PIGK: variants seen among roughly 807,000 people sequenced by gnomAD.
PIGK encodes the protein phosphatidylinositol glycan anchor biosynthesis class K, also known as GPI-anchor transamidase.
In PIGK, 42 loss-of-function variants were observed where a neutral mutation model predicts 50.6. The observed-to-expected ratio is 0.83, with a 90% CI of 0.65 to 1.07. The LOEUF (loss-of-function observed/expected upper bound fraction) is 1.07, where lower values mean the gene tolerates loss of function less well. PIGK is among the 50% of genes least tolerant of loss of function. PIGK has a pLI of 0.00. For missense variants in PIGK, 448 were observed against 488.7 expected (o/e 0.92, Z 0.78); for synonymous variants, 151 against 156.0 (o/e 0.97, Z 0.24).
chr1:77,104,297 A>T lies in PIGK; in HGVS notation c.1072-11807T>A, dbSNP rs145749699. On this transcript the variant is annotated intron_variant, in intron 10 of 10. Transcript: ENST00000370812. ...ATGAAAAAGATGATGATTTCAATGG[A>T]CAGGGATCTGAAAGCAGATATTTTA... 5.4e-3 allele frequency among the ~76,000 whole-genome samples: 819 copies of T among 152,304 alleles called. 5 individuals carry two copies. Among genetic ancestry groups the T allele is most frequent in the African/African-American group, 0.019 (785 of 41,590 alleles).
At chr1:77,117,770 G>A (rs6661634) in intron 10 of PIGK, among the ~76,000 whole-genome samples, 1,983 of 151,990 alleles carry the variant, frequency 0.013, 50 homozygotes, top group African/African-American at 0.045. Context: ...TGTCTTTTGG[G>A]GTTTATCTAT....
intron 2 of PIGK, among the ~76,000 whole-genome samples, chr1:77,208,304 CA>C (rs1041297123): frequency 9.3e-5 from 14 of 151,302 alleles, no homozygotes; most frequent in Non-Finnish European, 1.9e-4. Flanking sequence ...AAATATTGGA[CA>C]AAAAAAAGAA....
intron 3 of PIGK, among the ~76,000 whole-genome samples, chr1:77,169,923 A>T (rs369436656): frequency 1.3e-5 from 2 of 152,172 alleles, no homozygotes; most frequent in African/African-American, 4.8e-5. Context: ...CAGCAAGTAC[A>T]ATCAGTTTAG....
chr1:77,112,405 A>T (rs1326111647), intron 10 of PIGK, among the ~76,000 whole-genome samples: 1 of 152,004 alleles, frequency 6.6e-6, no homozygotes, highest in Non-Finnish European at 1.5e-5. Flanking sequence ...CTATCCAGTC[A>T]GTTTCTGTAT....
chr1:77,089,223 G>A lies in PIGK; in HGVS notation c.*3151C>T, dbSNP rs1653243556. The stretch of plus-strand genomic sequence containing the variant: ...AAGTAGCAGGTACATGTGTAAATAG[G>A]GCAGGCAGCAACAGAACAGCAATAT... On this transcript the variant is annotated 3_prime_UTR_variant, in exon 11 of 11. Transcript: ENST00000370812. The A allele has an allele frequency of 2.0e-5, 3 of 152,194 alleles. No homozygotes were observed. In the South Asian group the frequency reaches 6.2e-4, roughly 32 times the overall value. The allele number at this position is 152,194 out of a possible 1,614,324, so 9.4% of individuals were successfully genotyped here.
At chr1:77,175,606 T>C (rs1255614180) in intron 3 of PIGK, among the ~76,000 whole-genome samples, 3 of 152,222 alleles carry the variant, frequency 2.0e-5, no homozygotes, top group African/African-American at 7.2e-5. Context: ...ATGTAAATTT[T>C]TGCCTAGTGT....
At chr1:77,092,764 C>T (rs1653328902) in intron 10 of PIGK, among the ~76,000 whole-genome samples, 1 of 152,072 alleles carries the variant, frequency 6.6e-6, no homozygotes, top group Admixed American at 6.6e-5. Context: ...ACCATCTATC[C>T]TCACTCAAGT....
intron 10 of PIGK, among the ~76,000 whole-genome samples, chr1:77,112,213 A>G (rs1342188202): frequency 3.1e-5 from 4 of 128,034 alleles, no homozygotes; most frequent in African/African-American, 1.4e-4. Flanking sequence ...TGCATATACC[A>G]GTTTTAAAGA....
intron 10 of PIGK, among the ~76,000 whole-genome samples, chr1:77,092,976 C>T (rs1213224846): frequency 6.6e-6 from 1 of 152,060 alleles, no homozygotes; most frequent in African/African-American, 2.4e-5. Flanking sequence ...CTACCCAATT[C>T]CATTCAGCTA....
At chr1:77,139,609 A>G (rs1654599044) in intron 9 of PIGK, among the ~76,000 whole-genome samples, 1 of 152,220 alleles carries the variant, frequency 6.6e-6, no homozygotes, top group South Asian at 2.1e-4. Flanking sequence ...CACTGTAGGA[A>G]GTAGAACCCA....
chr1:77,147,001 G>GT (rs1458419867), intron 9 of PIGK, among the ~76,000 whole-genome samples: 2 of 151,428 alleles, frequency 1.3e-5, no homozygotes, highest in African/African-American at 4.9e-5. Flanking sequence ...GGGAGGGGAG[G>GT]TGCATTAGTC....
intron 10 of PIGK, among the ~76,000 whole-genome samples, chr1:77,116,854 A>T (rs1343458512): frequency 6.6e-6 from 1 of 152,112 alleles, no homozygotes; most frequent in Admixed American, 6.6e-5. Flanking sequence ...TTGTTTCATA[A>T]TTATAACTAT....
chr1:77,128,997 C>A (rs1557800375), intron 9 of PIGK: 2 of 667,584 alleles, frequency 3.0e-6, no homozygotes, highest in African/African-American at 1.8e-5. Context: ...TTCAGTGTTG[C>A]ACTATAACAG....
At chr1:77,189,578 C>T (rs1456366185) in intron 3 of PIGK, among the ~76,000 whole-genome samples, 2 of 151,656 alleles carry the variant, frequency 1.3e-5, no homozygotes, top group African/African-American at 4.8e-5. Flanking sequence ...ATGCTTTCTG[C>T]CCTCAAACAT....
At chr1:77,184,299 CTG>C (rs1655691456) in intron 3 of PIGK, among the ~76,000 whole-genome samples, 1 of 152,076 alleles carries the variant, frequency 6.6e-6, no homozygotes, top group Non-Finnish European at 1.5e-5. Flanking sequence ...GGACAAAAGA[CTG>C]ATTTGAATTA....
chr1:77,203,209 T>A (rs1434751995), intron 3 of PIGK, among the ~76,000 whole-genome samples: 2 of 152,188 alleles, frequency 1.3e-5, no homozygotes, highest in Non-Finnish European at 2.9e-5. Context: ...CAGGAGTGAT[T>A]GTGGCTCAAT....
At chr1:77,200,039 T>C (rs1279225478) in intron 3 of PIGK, among the ~76,000 whole-genome samples, 1 of 152,070 alleles carries the variant, frequency 6.6e-6, no homozygotes, top group Non-Finnish European at 1.5e-5. Flanking sequence ...ATTAATAAAG[T>C]AGTTAAGGCC....
chr1:77,089,967 C>G lies in PIGK; in HGVS notation c.*2407G>C. 1 of 152,296 alleles carries G rather than the reference C, an allele frequency of 6.6e-6. No homozygotes were observed. Among genetic ancestry groups the G allele is most frequent in the Middle Eastern group, 3.4e-3 (1 of 294 alleles). 9.4% of individuals were successfully genotyped at this position (152,296 alleles called of 1,614,324 possible). A position where few individuals can be genotyped will look rare whatever the true frequency, so the allele number is the denominator to read the frequency against. On this transcript the variant is annotated 3_prime_UTR_variant, in exon 11 of 11. Transcript: ENST00000370812. ...ACACCATGGGGGAGGAGAAAAAGAA[C>G]AGCAAAGAGAACAAGAATCACATTG...
intron 10 of PIGK, among the ~76,000 whole-genome samples, chr1:77,118,386 C>T (rs56938657): frequency 0.036 from 5,541 of 151,900 alleles, 202 homozygotes; most frequent in South Asian, 0.21. Flanking sequence ...ATTACAAGTG[C>T]CCATCACCAT....
Sources: allele counts gnomAD v4.1 joint callset (sites outside exome capture counted in the v4.1 genomes callset), GRCh38; gene constraint gnomAD v4.1.1; transcripts MANE v1.5; gene names NCBI Gene and HGNC (gene_info 2026-07-23, HGNC 2026-07-21).